Variants in CDYL2 observed in about 807,000 individuals in gnomAD.
CDYL2 encodes chromodomain Y like 2.
In CDYL2, 23 loss-of-function variants were observed where a neutral mutation model predicts 49.4. The ratio of observed to expected loss-of-function variants is 0.47; its 90% confidence interval spans 0.34 to 0.66. The LOEUF is 0.66. Ranked by LOEUF, CDYL2 falls within the 30% of genes least tolerant of loss-of-function variation. The pLI is 0.01. For missense variants in CDYL2, 678 were observed against 656.4 expected (o/e 1.03, Z -0.36); for synonymous variants, 360 against 268.8 (o/e 1.34, Z -3.32).
chr16:80,707,938 G>C (rs1904461487), intron 1 of CDYL2, among the ~76,000 whole-genome samples: 1 of 152,142 alleles, frequency 6.6e-6, no homozygotes, highest in Non-Finnish European at 1.5e-5. Flanking sequence ...GTAGGGTGTT[G>C]GGTTACTAAG....
chr16:80,801,872 G>C (rs976347980), intron 1 of CDYL2, among the ~76,000 whole-genome samples: 2 of 152,136 alleles, frequency 1.3e-5, no homozygotes, highest in African/African-American at 4.8e-5. Flanking sequence ...CTCAGTATAT[G>C]TTATGTAATG....
intron 2 of CDYL2, among the ~76,000 whole-genome samples, chr16:80,656,090 A>G (rs1908797050): frequency 6.6e-6 from 1 of 152,208 alleles, no homozygotes; most frequent in Non-Finnish European, 1.5e-5. Flanking sequence ...ATGAGATTCA[A>G]TCTTACTTAG....
intron 1 of CDYL2, among the ~76,000 whole-genome samples, chr16:80,802,158 T>C (rs1907945799): frequency 6.6e-6 from 1 of 152,182 alleles, no homozygotes; most frequent in Admixed American, 6.5e-5. Context: ...GGAGGGCAGT[T>C]GCAGATGAAC....
intron 3 of CDYL2, among the ~76,000 whole-genome samples, chr16:80,627,096 G>C (rs1907339074): frequency 6.6e-6 from 1 of 152,104 alleles, no homozygotes. Flanking sequence ...AATCTGAATT[G>C]AGAATCTCCA....
chr16:80,802,942 C>T (rs528920565), intron 1 of CDYL2, among the ~76,000 whole-genome samples: 2 of 152,348 alleles, frequency 1.3e-5, no homozygotes, highest in African/African-American at 4.8e-5. Flanking sequence ...GCCCCAAAGC[C>T]TTAAGAACCA....
intron 1 of CDYL2, among the ~76,000 whole-genome samples, chr16:80,766,949 G>C (rs945954820): frequency 6.6e-6 from 1 of 152,134 alleles, no homozygotes; most frequent in African/African-American, 2.4e-5. Context: ...CTAAGAAACA[G>C]GTACTATTAT....
In CDYL2 at chr16:80,649,430, G is replaced by T. The variant is rs571073188; in HGVS notation, c.617-16194C>A. Among the ~76,000 whole-genome samples the T allele has an allele frequency of 6.6e-5, 10 of 152,226 alleles. No homozygotes were observed. The South Asian group carries it at 1.9e-3, about 28-fold the overall frequency. On this transcript the variant is annotated intron_variant, in intron 2 of 6. Coordinates refer to ENST00000570137, the MANE Select transcript of CDYL2 (RefSeq NM_152342.4). ...ATACCTAGGAATTAAGTTAACCAAA[G>T]ATGTGAAAGATCTCTACAATAAAAA...
intron 1 of CDYL2, among the ~76,000 whole-genome samples, chr16:80,720,095 G>A (rs3114390): frequency 0.65 from 98,708 of 152,056 alleles, 32,476 homozygotes; most frequent in Middle Eastern, 0.74. Flanking sequence ...GAAATGGGCA[G>A]GTAGAGAATG....
intron 2 of CDYL2, 89 bp downstream of exon 2, chr16:80,684,449 G>C (rs1246330368): frequency 4.2e-6 from 5 of 1,194,870 alleles, no homozygotes. Context: ...GGATGGAGGT[G>C]GGGGTCTTAT....
chr16:80,692,172 G>A (rs1030234479), intron 1 of CDYL2, among the ~76,000 whole-genome samples: 1 of 152,182 alleles, frequency 6.6e-6, no homozygotes, highest in African/African-American at 2.4e-5. Flanking sequence ...AAGTCTGCAC[G>A]TCAAAAGAAG....
intron 1 of CDYL2, among the ~76,000 whole-genome samples, chr16:80,767,903 T>C (rs1906780058): frequency 1.3e-5 from 2 of 152,224 alleles, no homozygotes; most frequent in African/African-American, 4.8e-5. Context: ...CTCTGTCTGC[T>C]ACTGCAAATA....
chr16:80,722,316 T>C (rs1905024293), intron 1 of CDYL2, among the ~76,000 whole-genome samples: 1 of 152,148 alleles, frequency 6.6e-6, no homozygotes, highest in Non-Finnish European at 1.5e-5. Flanking sequence ...ATGTGAAAGC[T>C]CACTAGGTGA....
chr16:80,653,061 CA>C (rs994875150), intron 2 of CDYL2, among the ~76,000 whole-genome samples: 1 of 151,936 alleles, frequency 6.6e-6, no homozygotes, highest in Admixed American at 6.6e-5. Context: ...GTTTCAACAA[CA>C]AAAAAAATCA....
At chr16:80,794,814 T>C (rs1438657076) in intron 1 of CDYL2, among the ~76,000 whole-genome samples, 1 of 151,954 alleles carries the variant, frequency 6.6e-6, no homozygotes, top group East Asian at 1.9e-4. Context: ...AGTTTCTCCA[T>C]GTTGGTCAGG....
intron 2 of CDYL2, among the ~76,000 whole-genome samples, chr16:80,652,225 A>G (rs1908615074): frequency 6.6e-6 from 1 of 152,144 alleles, no homozygotes; most frequent in African/African-American, 2.4e-5. Flanking sequence ...CTGACTCTGT[A>G]AGTTTATAAG....
Position 80,598,070 on chromosome 16 carries a change from G to A in CDYL2, c.*6318C>T, listed in dbSNP as rs1597113115. 6.6e-6 allele frequency: 1 copy of A among 152,108 alleles called. No homozygotes were observed. The allele number at this position is 152,108 out of a possible 1,614,324, so 9.4% of individuals were successfully genotyped here. A position where few individuals can be genotyped will look rare whatever the true frequency, so the allele number is the denominator to read the frequency against. On this transcript the variant is annotated 3_prime_UTR_variant, in exon 7 of 7. Coordinates refer to ENST00000570137, the MANE Select transcript of CDYL2 (RefSeq NM_152342.4). ...AATTTGCTCTAGACAGTCAGGATTTGATAAATCAGAAGATTATTATCCCTC... is the reference window on the plus strand; with the variant it reads ...AATTTGCTCTAGACAGTCAGGATTTAATAAATCAGAAGATTATTATCCCTC...
intron 1 of CDYL2, among the ~76,000 whole-genome samples, chr16:80,768,887 T>C (rs1344069745): frequency 6.6e-6 from 1 of 152,208 alleles, no homozygotes; most frequent in Admixed American, 6.5e-5. Flanking sequence ...ATAAAACACT[T>C]AGAAAATGGC....
chr16:80,636,201 G>T (rs1042074633), intron 2 of CDYL2, among the ~76,000 whole-genome samples: 1 of 152,130 alleles, frequency 6.6e-6, no homozygotes, highest in African/African-American at 2.4e-5. Flanking sequence ...AGCCAAAATT[G>T]ACAAATGGGA....
intron 1 of CDYL2, among the ~76,000 whole-genome samples, chr16:80,782,711 T>A (rs1305389171): frequency 6.6e-6 from 1 of 151,808 alleles, no homozygotes; most frequent in Admixed American, 6.6e-5. Context: ...TCAATAAATG[T>A]AATATGTCAC....
Sources: gnomAD v4.1 joint callset for allele counts (sites outside exome capture counted in the v4.1 genomes callset) on GRCh38, gnomAD v4.1.1 for gene constraint, MANE v1.5 for transcripts, NCBI Gene and HGNC (gene_info 2026-07-23, HGNC 2026-07-21) for gene names.